The following HERC5 variants were observed in gnomAD, a reference collection of about 807,000 sequenced individuals.
The protein encoded by HERC5 is HECT and RLD domain containing E3 ubiquitin protein ligase 5.
HERC5 carries 99 observed loss-of-function variants against 119.6 expected under a neutral mutation model. That is an observed-to-expected ratio of 0.83 (90% CI 0.70 to 0.98). The LOEUF (loss-of-function observed/expected upper bound fraction) is 0.98. Among genes scored for constraint, HERC5 ranks in the 50% least tolerant of loss-of-function variants. The probability of loss-of-function intolerance (pLI) is 0.00; values close to 1 mark genes in which losing one functional copy is unlikely to be tolerated. For synonymous variants in HERC5, 478 were observed against 445.9 expected (o/e 1.07, Z -0.91); for missense variants, 1,267 against 1,241.3 (o/e 1.02, Z -0.31).
intron 13 of HERC5, among the ~76,000 whole-genome samples, chr4:88,481,690 G>A (rs982604672): frequency 1.3e-5 from 2 of 152,116 alleles, no homozygotes; most frequent in African/African-American, 4.8e-5. Context: ...TGTCACAACT[G>A]CAGCTATTCA....
At position 88,471,487 on chromosome 4, in the gene HERC5, C is replaced by T. The variant is rs867560682; in HGVS notation, c.1298+814C>T. 6.6e-5 allele frequency among the ~76,000 whole-genome samples: 10 copies of T among 151,940 alleles called. No homozygotes were observed. In the South Asian group the frequency reaches 8.3e-4, roughly 13 times the overall value. ...TTCCACGTAGCTGGGACTACAGGCACGTGCCACCACCTCCTGCTAATTTTT... is the reference window on the plus strand; with the variant it reads ...TTCCACGTAGCTGGGACTACAGGCATGTGCCACCACCTCCTGCTAATTTTT... On this transcript the variant is annotated intron_variant, in intron 10 of 22. Coordinates refer to ENST00000264350, the MANE Select transcript of HERC5 (RefSeq NM_016323.4).
chr4:88,493,749 GA>G (rs1741718213), intron 17 of HERC5, among the ~76,000 whole-genome samples: 1 of 151,868 alleles, frequency 6.6e-6, no homozygotes, highest in Non-Finnish European at 1.5e-5. Context: ...CAATAACTGG[GA>G]TTACAGGCTC....
At chr4:88,473,004 A>T (rs1740931352) in intron 11 of HERC5, 1 of 147,316 alleles carries the variant, frequency 6.8e-6, no homozygotes, top group Non-Finnish European at 1.5e-5. Context: ...TTCCTGTTTC[A>T]GCACTGTTAC....
chr4:88,464,198 G>T (rs1740562036), intron 6 of HERC5, among the ~76,000 whole-genome samples: 1 of 130,374 alleles, frequency 7.7e-6, no homozygotes, highest in African/African-American at 2.9e-5. Context: ...TTTTAAATGA[G>T]CAGATACAAT....
intron 20 of HERC5, among the ~76,000 whole-genome samples, chr4:88,501,211 G>C (rs1223465535): frequency 1.3e-5 from 2 of 152,152 alleles, no homozygotes; most frequent in Non-Finnish European, 2.9e-5. Flanking sequence ...ATTTCCTCCT[G>C]TCCAAAATTA....
In HERC5 at chr4:88,472,704, T is replaced by A. The variant is rs137966388; in HGVS notation, c.1392+202T>A. Among the ~76,000 whole-genome samples the A allele has an allele frequency of 7.2e-3, 1,090 of 152,312 alleles. 9 individuals carry two copies. The highest frequency in any genetic ancestry group is 0.024 in the African/African-American group (1,007 of 41,578). On this transcript the variant is annotated intron_variant, in intron 11 of 22. Transcript: ENST00000264350. ...GCATAGTAGTCACACAGGTTACAGA[T>A]ATTCTAAATAGTGTGTCTGTACACA...
intron 18 of HERC5, among the ~76,000 whole-genome samples, chr4:88,497,480 C>A (rs1488057437): frequency 2.6e-5 from 4 of 152,118 alleles, no homozygotes; most frequent in Admixed American, 6.6e-5. Context: ...GAGAATGTGG[C>A]TGAATTCTGT....
rs768358426 is a variant in HERC5 at position 88,489,190 on chromosome 4, A to C, written c.1987A>C (p.Arg663=). Residue 663 remains arginine (R), a synonymous_variant, in exon 16 of 23, where the codon AGG becomes CGG. Coordinates refer to ENST00000264350, the MANE Select transcript of HERC5 (RefSeq NM_016323.4). ...IESKKHKAYL[R]SAAIEEERES... is the part of the protein sequence containing the mutation. ...GAGTAAAAAACATAAAGCTTATCTTAGGTCGGCAGCAATTGAGGAAGAAAG... is the reference window on the plus strand; with the variant it reads ...GAGTAAAAAACATAAAGCTTATCTTCGGTCGGCAGCAATTGAGGAAGAAAG... 2.5e-6 allele frequency: 4 copies of C among 1,612,632 alleles called. No homozygotes were observed. The highest frequency in any genetic ancestry group is 3.4e-6 in the Non-Finnish European group (4 of 1,179,496).
chr4:88,490,671 C>G (rs1741607633), intron 16 of HERC5, among the ~76,000 whole-genome samples: 2 of 152,126 alleles, frequency 1.3e-5, no homozygotes, highest in South Asian at 4.2e-4. Context: ...TGGTGAAACC[C>G]CATCTCTACT....
At chr4:88,480,289 A>T (rs1182274224) in intron 13 of HERC5, among the ~76,000 whole-genome samples, 1 of 152,194 alleles carries the variant, frequency 6.6e-6, no homozygotes, top group Admixed American at 6.5e-5. Context: ...ACTGCTTCTT[A>T]CACTCAATGT....
chr4:88,487,753 C>A (rs1361428075), intron 15 of HERC5, among the ~76,000 whole-genome samples: 1 of 152,078 alleles, frequency 6.6e-6, no homozygotes, highest in African/African-American at 2.4e-5. Context: ...ATTTTACCAA[C>A]CATTAACAAA....
At chr4:88,470,786 T>C in intron 10 of HERC5, 113 bp downstream of exon 10, 1 of 481,316 alleles carries the variant, frequency 2.1e-6, no homozygotes, top group Non-Finnish European at 3.7e-6. Context: ...TTTAAAAATT[T>C]TTTTTAACAA....
intron 14 of HERC5, among the ~76,000 whole-genome samples, chr4:88,486,847 A>G (rs779940515): frequency 6.6e-6 from 1 of 152,308 alleles, no homozygotes; most frequent in East Asian, 1.9e-4. Flanking sequence ...AAAGTTTATA[A>G]TTAATTGCTA....
In HERC5 at chr4:88,472,397, T is replaced by TTTC. The variant is rs780063902; in HGVS notation, c.1299-7_1299-5dup. 18 of 1,450,838 alleles carry TTTC rather than the reference T, an allele frequency of 1.2e-5. No homozygotes were observed. The East Asian group carries it at 3.9e-4, about 31-fold the overall frequency. The allele number at this position is 1,450,838 out of a possible 1,614,324, so 89.9% of individuals were successfully genotyped here. A position where few individuals can be genotyped will look rare whatever the true frequency, so the allele number is the denominator to read the frequency against. On this transcript the variant is annotated splice_polypyrimidine_tract_variant and intron_variant, in intron 10 of 22. Transcript: ENST00000264350. ...AATCTAACAAAATACTTAATTTATC[T>TTTC]TTCTTCTACAGAAGAACTACAGAAA...
chr4:88,500,321 G>A (rs890679637), intron 19 of HERC5, among the ~76,000 whole-genome samples: 1 of 152,214 alleles, frequency 6.6e-6, no homozygotes. Flanking sequence ...GGAACAGCTT[G>A]TCTCTGTTCC....
rs542008587 is a variant in HERC5 at position 88,494,351 on chromosome 4, G to A, written c.2444+20G>A. ...GGGAAAGTAAGTAAACAGAGTTCCTGAGAAAGGACCCTTTCTAACATATAT... is the reference window on the plus strand; with the variant it reads ...GGGAAAGTAAGTAAACAGAGTTCCTAAGAAAGGACCCTTTCTAACATATAT... On this transcript the variant is annotated intron_variant, in intron 18 of 22. Transcript: ENST00000264350. 6.2e-6 allele frequency: 10 copies of A among 1,601,266 alleles called. No homozygotes were observed. Among genetic ancestry groups the A allele is most frequent in the East Asian group, 2.2e-5 (1 of 44,542 alleles).
chr4:88,482,008 A>G (rs1027435092), intron 13 of HERC5, among the ~76,000 whole-genome samples: 2 of 152,248 alleles, frequency 1.3e-5, no homozygotes, highest in African/African-American at 2.4e-5. Flanking sequence ...TTAAAATTCT[A>G]CATTGAAAAA....
chr4:88,478,980 T>G (rs1297484654), intron 12 of HERC5, among the ~76,000 whole-genome samples: 1 of 152,156 alleles, frequency 6.6e-6, no homozygotes, highest in Non-Finnish European at 1.5e-5. Flanking sequence ...CCATTACATT[T>G]TGTAGACCTC....
At position 88,493,039 on chromosome 4, in the gene HERC5, G is replaced by A; in HGVS notation, c.2161G>A (p.Asp721Asn). ...TTCATTTAGTGGAGAAATTGGGTATGACCTCGGAGGAGTCAAGAAAGAGTT... is the reference window on the plus strand; with the variant it reads ...TTCATTTAGTGGAGAAATTGGGTATAACCTCGGAGGAGTCAAGAAAGAGTT... ...WVSFSGEIGY[D>N]LGGVKKEFFY... Residue 721 changes from aspartate to asparagine, a missense_variant, in exon 17 of 23, where the codon GAC becomes AAC. Physicochemically the swap from Asp to Asn is conservative, Grantham distance 23. Around this residue, in one of 3 missense-constraint regions of HERC5, gnomAD observed 473 missense variants for 445.7 expected, o/e 1.06. Coordinates refer to ENST00000264350, the MANE Select transcript of HERC5 (RefSeq NM_016323.4). 6.2e-7 allele frequency: 1 copy of A among 1,613,732 alleles called. No individual in the cohort carries two copies. The highest frequency in any genetic ancestry group is 1.1e-5 in the South Asian group (1 of 90,998).
Sources: gnomAD v4.1 joint callset for allele counts (sites outside exome capture counted in the v4.1 genomes callset) on GRCh38, gnomAD v4.1.1 for gene constraint, gnomAD v4.1.1 regional missense constraint, MANE v1.5 for transcripts, NCBI Gene and HGNC (gene_info 2026-07-23, HGNC 2026-07-21) for gene names.